ETAA1: variants seen among roughly 807,000 people sequenced by gnomAD.
ETAA1 encodes ewing's tumor-associated antigen 1.
ETAA1 carries 49 observed loss-of-function variants against 76.8 expected under a neutral mutation model. The ratio of observed to expected loss-of-function variants is 0.64; its 90% CI spans 0.51 to 0.81. The LOEUF is 0.81. Ranked by LOEUF, ETAA1 falls within the 30% of genes least tolerant of loss-of-function variation. The pLI is 0.00. For synonymous variants in ETAA1, 373 were observed against 372.2 expected (o/e 1.00, Z -0.03); for missense variants, 1,099 against 1,074.0 (o/e 1.02, Z -0.32).
Position 67,403,589 on chromosome 2 carries a change from G to T in ETAA1, c.907G>T (p.Glu303Ter). ...CGGACAGTTAAGCCAAGAACTGCCA[G>T]AGGCTTTTTGGAGCACCAGTAATAC... ...CSGQLSQELP[E>*]AFWSTSNTTF... Residue 303 changes from glutamate (E) to a stop codon, truncating the protein, a stop_gained, in exon 5 of 6, where the codon GAG becomes TAG. Coordinates refer to ENST00000272342, the MANE Select transcript of ETAA1 (RefSeq NM_019002.4). LOFTEE classifies it high-confidence loss of function. The T allele has an allele frequency of 6.2e-7, 1 of 1,613,320 alleles. No individual in the cohort carries two copies. Among genetic ancestry groups the T allele is most frequent in the Non-Finnish European group, 8.5e-7 (1 of 1,179,410 alleles).
At position 67,410,277 on chromosome 2, in the gene ETAA1, G is replaced by A. The variant is rs1020341541; in HGVS notation, c.*239G>A. 6.9e-6 allele frequency: 3 copies of A among 432,988 alleles called. No individual in the cohort carries two copies. The highest frequency in any genetic ancestry group is 4.8e-5 in the East Asian group (1 of 20,836). 26.8% of individuals were successfully genotyped at this position (432,988 alleles called of 1,614,324 possible). A position where few individuals can be genotyped will look rare whatever the true frequency, so the allele number is the denominator to read the frequency against. ...TTCAGGAAAGTTAGCAATTATGTACGGATATTATACAGAGGAAAGTAGTTA... is the reference window on the plus strand; with the variant it reads ...TTCAGGAAAGTTAGCAATTATGTACAGATATTATACAGAGGAAAGTAGTTA... On this transcript the variant is annotated 3_prime_UTR_variant, in exon 6 of 6. Coordinates refer to ENST00000272342, the MANE Select transcript of ETAA1 (RefSeq NM_019002.4).
intron 5 of ETAA1, 52 bp from the exon 6 acceptor site, chr2:67,409,859 G>A: frequency 6.6e-7 from 1 of 1,524,516 alleles, no homozygotes; most frequent in Non-Finnish European, 8.8e-7. Flanking sequence ...AGCACATATT[G>A]AATGACTTTA....
intron 5 of ETAA1, among the ~76,000 whole-genome samples, chr2:67,408,806 A>G (rs965563608): frequency 6.6e-6 from 1 of 152,050 alleles, no homozygotes; most frequent in African/African-American, 2.4e-5. Context: ...CAGATTATTA[A>G]CCTGTTTTCT....
At position 67,409,921 on chromosome 2, in the gene ETAA1, G is replaced by A; in HGVS notation, c.2664G>A (p.Glu888=). 6.3e-7 allele frequency: 1 copy of A among 1,593,206 alleles called. No individual in the cohort carries two copies. Among genetic ancestry groups the A allele is most frequent in the South Asian group, 1.2e-5 (1 of 86,632 alleles). Reference sequence around the variant, plus strand: ...TTGTTGAATTTTTAGAGGAAGAAGAGAAAAATAGAAAGTGTTCTCCTGAAG... The same window carrying A: ...TTGTTGAATTTTTAGAGGAAGAAGAAAAAAATAGAAAGTGTTCTCCTGAAG... ...SLKQSSKEEE[E]KNRKCSPEEI... is the part of the protein sequence containing the mutation. Residue 888 remains glutamate, a synonymous_variant, in exon 6 of 6, where the codon GAG becomes GAA. Transcript: ENST00000272342.
chr2:67,407,128 A>C (rs1676241841), intron 5 of ETAA1, among the ~76,000 whole-genome samples: 1 of 152,060 alleles, frequency 6.6e-6, no homozygotes, highest in African/African-American at 2.4e-5. Flanking sequence ...ATCAAAACTT[A>C]CAGTAAATAA....
chr2:67,397,597 A>C lies in ETAA1; in HGVS notation c.149A>C (p.Glu50Ala), dbSNP rs1333828691. Residue 50 changes from glutamate to alanine, a missense_variant, in exon 1 of 6, where the codon GAG becomes GCG. Coordinates refer to ENST00000272342, the MANE Select transcript of ETAA1 (RefSeq NM_019002.4). Reference sequence around the variant, plus strand: ...GGTTCGTGGCCCTGCGGGGCTAGAGAGGGGCCTCCCGGGCCAGTGCGGCAG... The same window carrying C: ...GGTTCGTGGCCCTGCGGGGCTAGAGCGGGGCCTCCCGGGCCAGTGCGGCAG... ...ARGSWPCGAR[E>A]GPPGPVRQRE... 1 of 1,552,384 alleles carries C rather than the reference A, an allele frequency of 6.4e-7. No individual in the cohort carries two copies. Among genetic ancestry groups the C allele is most frequent in the Non-Finnish European group, 8.7e-7 (1 of 1,148,766 alleles).
At position 67,403,650 on chromosome 2, in the gene ETAA1, A is replaced by C. The variant is rs1676118854; in HGVS notation, c.968A>C (p.Lys323Thr). 1.2e-6 allele frequency: 2 copies of C among 1,613,292 alleles called. No individual in the cohort carries two copies. The highest frequency in any genetic ancestry group is 2.7e-5 in the African/African-American group (2 of 74,900). ...FVKTNALKEE[K>T]IITNETLVIE... ...AAGACAAATGCTTTGAAAGAGGAGA[A>C]AATCATTACTAATGAAACTCTGGTC... The change falls in exon 5 of 6, where the codon AAA becomes ACA. Residue 323 changes from lysine to threonine, a missense_variant. Physicochemically the swap from Lys to Thr is moderately conservative, Grantham distance 78 (BLOSUM62 -1). Around this residue, in one of 3 missense-constraint regions of ETAA1, gnomAD observed 761 missense variants for 731.9 expected, o/e 1.04. Coordinates refer to ENST00000272342, the MANE Select transcript of ETAA1 (RefSeq NM_019002.4).
Position 67,403,704 on chromosome 2 carries a change from G to T in ETAA1, c.1022G>T (p.Arg341Leu). ...VIEKLSNKTP[R>L]SLSSQVDTPI... Reference sequence around the variant, plus strand: ...GAAAAACTGTCAAATAAAACCCCACGATCACTTTCTTCTCAAGTAGATACA... The same window carrying T: ...GAAAAACTGTCAAATAAAACCCCACTATCACTTTCTTCTCAAGTAGATACA... Residue 341 changes from arginine to leucine, a missense_variant, in exon 5 of 6, where the codon CGA becomes CTA. By Grantham distance (102) the Arg-to-Leu change is moderately radical. Coordinates refer to ENST00000272342, the MANE Select transcript of ETAA1 (RefSeq NM_019002.4). The T allele has an allele frequency of 6.2e-7, 1 of 1,613,308 alleles. No individual in the cohort carries two copies. The highest frequency in any genetic ancestry group is 8.5e-7 in the Non-Finnish European group (1 of 1,179,454).
rs189398507 is a variant in ETAA1 at position 67,399,419 on chromosome 2, A to G, written c.352+122A>G. Reference sequence around the variant, plus strand: ...GAGAATGTTATATGATTTTATCTGTATAAGTATGTGATGTAAACACATAAT... The same window carrying G: ...GAGAATGTTATATGATTTTATCTGTGTAAGTATGTGATGTAAACACATAAT... On this transcript the variant is annotated intron_variant, in intron 2 of 5. Transcript: ENST00000272342. 525 of 1,152,566 alleles carry G rather than the reference A, an allele frequency of 4.6e-4. 2 individuals carry two copies. In the African/African-American group the frequency reaches 7.1e-3, roughly 16 times the overall value. The allele number at this position is 1,152,566 out of a possible 1,614,324, so 71.4% of individuals were successfully genotyped here.
At position 67,409,904 on chromosome 2, in the gene ETAA1, T is replaced by A; in HGVS notation, c.2654-7T>A. 6.3e-7 allele frequency: 1 copy of A among 1,584,060 alleles called. No individual in the cohort carries two copies. The highest frequency in any genetic ancestry group is 8.5e-7 in the Non-Finnish European group (1 of 1,171,162). ...AAAGTAAAACTCATCTTTTGTTGAATTTTTAGAGGAAGAAGAGAAAAATAG... is the reference window on the plus strand; with the variant it reads ...AAAGTAAAACTCATCTTTTGTTGAAATTTTAGAGGAAGAAGAGAAAAATAG... On this transcript the variant is annotated splice_region_variant and splice_polypyrimidine_tract_variant and intron_variant, in intron 5 of 5. Coordinates refer to ENST00000272342, the MANE Select transcript of ETAA1 (RefSeq NM_019002.4).
Position 67,405,261 on chromosome 2 carries a change from A to G in ETAA1, c.2579A>G (p.Asn860Ser). Residue 860 changes from asparagine (N) to serine (S), a missense_variant, in exon 5 of 6, where the codon AAC becomes AGC. Asn to Ser is a conservative substitution (Grantham distance 46). This residue lies in a region of ETAA1 where 302 missense variants were observed against 278.1 expected (regional missense o/e 1.09). Coordinates refer to ENST00000272342, the MANE Select transcript of ETAA1 (RefSeq NM_019002.4). ...TQGVEKKKGV[N>S]PLLEEAVGQQ... is the part of the protein sequence containing the mutation. ...GGTGTGGAGAAAAAGAAAGGTGTCAACCCATTACTGGAGGAAGCTGTTGGA... is the reference window on the plus strand; with the variant it reads ...GGTGTGGAGAAAAAGAAAGGTGTCAGCCCATTACTGGAGGAAGCTGTTGGA... 7.5e-6 allele frequency: 12 copies of G among 1,605,224 alleles called. No homozygotes were observed. The highest frequency in any genetic ancestry group is 1.3e-5 in the African/African-American group (1 of 74,440).
At position 67,407,244 on chromosome 2, in the gene ETAA1, AC is replaced by A. The variant is rs1322084843; in HGVS notation, c.2653+1910del. 7.5e-5 allele frequency among the ~76,000 whole-genome samples: 11 copies of A among 145,974 alleles called. 1 individual carries two copies. The highest frequency in any genetic ancestry group is 1.7e-4 in the Non-Finnish European group (11 of 66,174). ...CACTGACACTAACAACAGCTGATGA[AC>A]TAAAAAAAAAAAAAAAAAAAATCAC... On this transcript the variant is annotated intron_variant, in intron 5 of 5. Transcript: ENST00000272342.
chr2:67,397,354 C>G lies in ETAA1; in HGVS notation c.-95C>G. On this transcript the variant is annotated 5_prime_UTR_variant, in exon 1 of 6. Transcript: ENST00000272342. ...CCCCACCGACCAAAATGGCGGCTGC[C>G]GTTGGTGCGGGGTGCGGTTTGTAGT... is the stretch of plus-strand genomic sequence containing the variant. 4 of 1,316,154 alleles carry G rather than the reference C, an allele frequency of 3.0e-6. No individual in the cohort carries two copies. Among genetic ancestry groups the G allele is most frequent in the Non-Finnish European group, 4.3e-6 (4 of 935,314 alleles). The allele number at this position is 1,316,154 out of a possible 1,614,324, so 81.5% of individuals were successfully genotyped here.
chr2:67,409,588 A>G (rs922487039), intron 5 of ETAA1, among the ~76,000 whole-genome samples: 1 of 152,002 alleles, frequency 6.6e-6, no homozygotes, highest in Non-Finnish European at 1.5e-5. Flanking sequence ...TTAAAGATAT[A>G]TTTATTCGTG....
At chr2:67,408,707 G>A (rs1676285146) in intron 5 of ETAA1, among the ~76,000 whole-genome samples, 1 of 152,162 alleles carries the variant, frequency 6.6e-6, no homozygotes, top group Non-Finnish European at 1.5e-5. Flanking sequence ...TTTTCATGGT[G>A]TGACCTGATT....
chr2:67,397,430 TGGA>T lies in ETAA1; in HGVS notation c.-16_-14del. 2 of 1,569,064 alleles carry T rather than the reference TGGA, an allele frequency of 1.3e-6. No homozygotes were observed. The highest frequency in any genetic ancestry group is 1.7e-6 in the Non-Finnish European group (2 of 1,157,666). Reference sequence around the variant, plus strand: ...AAAATGTGAAAGAAGAAGCGGCTGGTGGAGGCGGGCCATAGGCAATGAGTCGGC... The same window carrying T: ...AAAATGTGAAAGAAGAAGCGGCTGGTGGCGGGCCATAGGCAATGAGTCGGC... On this transcript the variant is annotated 5_prime_UTR_variant, in exon 1 of 6. Coordinates refer to ENST00000272342, the MANE Select transcript of ETAA1 (RefSeq NM_019002.4).
chr2:67,397,876 ACCAT>A (rs1481761290), intron 1 of ETAA1, among the ~76,000 whole-genome samples: 3 of 152,100 alleles, frequency 2.0e-5, no homozygotes, highest in African/African-American at 4.8e-5. Flanking sequence ...GTTAGGTTTG[ACCAT>A]CCATTTGCCT....
At position 67,397,537 on chromosome 2, in the gene ETAA1, T is replaced by C; in HGVS notation, c.89T>C (p.Val30Ala). The C allele has an allele frequency of 6.3e-7, 1 of 1,585,196 alleles. No homozygotes were observed. Among genetic ancestry groups the C allele is most frequent in the Non-Finnish European group, 8.6e-7 (1 of 1,166,204 alleles). ...GCGGCGGAGGAATGCGGCTCGGTGG[T>C]CGAGCCAGGGAGGAGGCGGCTGAGA... ...TVAAEECGSVVEPGRRRLRSA... is the reference protein window; with the variant it reads ...TVAAEECGSVAEPGRRRLRSA... The change falls in exon 1 of 6, where the codon GTC becomes GCC. Residue 30 changes from valine (V) to alanine (A), a missense_variant. Physicochemically the swap from Val to Ala is moderately conservative, Grantham distance 64 (BLOSUM62 0). Around this residue, in one of 3 missense-constraint regions of ETAA1, gnomAD observed 761 missense variants for 731.9 expected, o/e 1.04. Transcript: ENST00000272342.
At chr2:67,405,687 A>T (rs1043288486) in intron 5 of ETAA1, among the ~76,000 whole-genome samples, 1 of 152,098 alleles carries the variant, frequency 6.6e-6, no homozygotes, top group Non-Finnish European at 1.5e-5. Flanking sequence ...TGTATTTACT[A>T]AATTGTTTTA....
Sources: allele counts gnomAD v4.1 joint callset (sites outside exome capture counted in the v4.1 genomes callset), GRCh38; gene constraint gnomAD v4.1.1; regional missense constraint gnomAD v4.1.1; transcripts MANE v1.5; gene names NCBI Gene and HGNC (gene_info 2026-07-23, HGNC 2026-07-21).